GABRG3: variants seen among roughly 807,000 people sequenced by gnomAD.
GABRG3 encodes gamma-aminobutyric acid receptor subunit gamma-3.
Under a neutral mutation model 48.8 loss-of-function variants are expected in GABRG3, and 25 were observed. The ratio of observed to expected loss-of-function variants is 0.51; its 90% CI spans 0.37 to 0.72. GABRG3 has a LOEUF of 0.72. Among genes scored for constraint, GABRG3 ranks in the 30% least tolerant of loss-of-function variants. GABRG3 has a pLI of 0.00. For synonymous variants in GABRG3, 227 were observed against 217.6 expected (o/e 1.04, Z -0.38); for missense variants, 394 against 577.9 (o/e 0.68, Z 3.26).
intron 5 of GABRG3, among the ~76,000 whole-genome samples, chr15:27,351,644 G>A (rs1472751614): frequency 2.0e-5 from 3 of 148,720 alleles, no homozygotes; most frequent in African/African-American, 7.4e-5. Context: ...TTGTGTGTAT[G>A]GTCTGTGTGT....
At chr15:27,335,410 T>C (rs890912523) in intron 5 of GABRG3, among the ~76,000 whole-genome samples, 3 of 152,366 alleles carry the variant, frequency 2.0e-5, no homozygotes, top group Admixed American at 2.0e-4. Context: ...TGTTATCTTT[T>C]CCCTTTTTAT....
intron 5 of GABRG3, among the ~76,000 whole-genome samples, chr15:27,343,849 A>AT (rs1195897140): frequency 6.6e-6 from 1 of 152,254 alleles, no homozygotes; most frequent in East Asian, 1.9e-4. Flanking sequence ...TCCAATTATT[A>AT]TTTTTTATGG....
At chr15:27,296,292 A>T (rs1324204482) in intron 3 of GABRG3, among the ~76,000 whole-genome samples, 1 of 152,204 alleles carries the variant, frequency 6.6e-6, no homozygotes, top group Non-Finnish European at 1.5e-5. Flanking sequence ...ACTGACTGAA[A>T]AAGAAGTTGC....
intron 5 of GABRG3, among the ~76,000 whole-genome samples, chr15:27,453,939 A>G (rs1376189733): frequency 1.3e-5 from 2 of 152,112 alleles, no homozygotes; most frequent in Non-Finnish European, 2.9e-5. Flanking sequence ...CTTGTCCAGC[A>G]TTCCCATTGT....
intron 6 of GABRG3, among the ~76,000 whole-genome samples, chr15:27,501,974 A>G (rs146455277): frequency 6.6e-6 from 1 of 152,144 alleles, no homozygotes; most frequent in Admixed American, 6.5e-5. Context: ...CACATTGGCT[A>G]TCAGGGATCT....
chr15:27,448,491 C>T (rs2140639287), intron 5 of GABRG3, among the ~76,000 whole-genome samples: 1 of 152,302 alleles, frequency 6.6e-6, no homozygotes, highest in East Asian at 1.9e-4. Flanking sequence ...TATGAGCACA[C>T]TTACGTGGCA....
rs1889306277 is a variant in GABRG3, at chr15:27,457,077, G to A, written c.575-23573G>A. 6.6e-6 allele frequency among the ~76,000 whole-genome samples: 1 copy of A among 152,218 alleles called. No homozygotes were observed. Among genetic ancestry groups the A allele is most frequent in the African/African-American group, 2.4e-5 (1 of 41,462 alleles). On this transcript the variant is annotated intron_variant, in intron 5 of 9. Coordinates refer to ENST00000615808, the MANE Select transcript of GABRG3 (RefSeq NM_033223.5). The surrounding 1 kb of genome is among the most constrained non-coding windows in gnomAD (Gnocchi z 4.4). Reference sequence around the variant, plus strand: ...TAGAAGGAGCTGGAGGAGGGGAGCTGCAGGCCTCACCTTCTCCAGCAGCTT... The same window carrying A: ...TAGAAGGAGCTGGAGGAGGGGAGCTACAGGCCTCACCTTCTCCAGCAGCTT...
chr15:27,120,867 T>G (rs568344268), intron 3 of GABRG3, among the ~76,000 whole-genome samples: 1 of 152,288 alleles, frequency 6.6e-6, no homozygotes, highest in African/African-American at 2.4e-5. Context: ...AAATGTCAGC[T>G]AATCTCCCCA....
intron 5 of GABRG3, among the ~76,000 whole-genome samples, chr15:27,425,883 T>C (rs879153753): frequency 1.3e-5 from 2 of 152,218 alleles, no homozygotes; most frequent in Non-Finnish European, 2.9e-5. Context: ...AACTTTGATT[T>C]GTTAAACACA....
intron 3 of GABRG3, among the ~76,000 whole-genome samples, chr15:27,187,899 C>T (rs1290715837): frequency 7.3e-6 from 1 of 137,848 alleles, no homozygotes; most frequent in African/African-American, 2.7e-5. Flanking sequence ...CACAACAGTC[C>T]CCAGAGTGTG....
intron 3 of GABRG3, among the ~76,000 whole-genome samples, chr15:27,132,115 G>T (rs1897925914): frequency 6.6e-6 from 1 of 151,816 alleles, no homozygotes; most frequent in African/African-American, 2.4e-5. Flanking sequence ...TTCCTTTGTT[G>T]TACAGAATCT....
chr15:27,054,314 G>A (rs1896504745), intron 3 of GABRG3, among the ~76,000 whole-genome samples: 2 of 152,074 alleles, frequency 1.3e-5, no homozygotes, highest in Admixed American at 1.3e-4. Context: ...GTTGGGTTCT[G>A]TGCTCACTAC....
chr15:26,987,644 T>A (rs543957137), intron 2 of GABRG3, among the ~76,000 whole-genome samples: 1 of 152,364 alleles, frequency 6.6e-6, no homozygotes, highest in East Asian at 1.9e-4. Flanking sequence ...ACCTCAAGAA[T>A]TACTGAATCG....
chr15:27,364,419 G>A (rs12901089), intron 5 of GABRG3: 40,551 of 152,262 alleles, frequency 0.27, 5,786 homozygotes, highest in Middle Eastern at 0.35. Flanking sequence ...CTGATAACAA[G>A]TGGTTCAATC....
intron 3 of GABRG3, among the ~76,000 whole-genome samples, chr15:27,305,550 C>A (rs1892377942): frequency 7.1e-6 from 1 of 140,870 alleles, no homozygotes; most frequent in East Asian, 2.0e-4. Context: ...TATATATAAA[C>A]ATAATATAAA....
chr15:27,299,927 A>G (rs1057097686), intron 3 of GABRG3, among the ~76,000 whole-genome samples: 4 of 152,134 alleles, frequency 2.6e-5, no homozygotes, highest in Non-Finnish European at 5.9e-5. Flanking sequence ...ACTCCATAAA[A>G]ATTGTTTATA....
At chr15:27,004,775 A>T (rs1449093556) in intron 2 of GABRG3, among the ~76,000 whole-genome samples, 8 of 152,216 alleles carry the variant, frequency 5.3e-5, no homozygotes, top group Admixed American at 5.2e-4. Context: ...CAATGCAGAA[A>T]TTTTTTACCT....
rs1895988548 is a variant in GABRG3, at chr15:27,026,682, T to C, written c.203-72T>C. The C allele has an allele frequency of 4.7e-6, 5 of 1,070,288 alleles. No homozygotes were observed. In the East Asian group the frequency reaches 1.2e-4, roughly 26 times the overall value. 66.3% of individuals were successfully genotyped at this position (1,070,288 alleles called of 1,614,324 possible). A position where few individuals can be genotyped will look rare whatever the true frequency, so the allele number is the denominator to read the frequency against. ...CCTTGTGATGCTATGTATGAGACTT[T>C]AGGACTTGAATGTGCTCTCCTCTGT... On this transcript the variant is annotated intron_variant, in intron 2 of 9. Transcript: ENST00000615808.
intron 5 of GABRG3, among the ~76,000 whole-genome samples, chr15:27,429,859 C>G (rs1888399514): frequency 1.3e-5 from 2 of 152,120 alleles, no homozygotes; most frequent in Admixed American, 1.3e-4. Context: ...CATTTTGGTC[C>G]TATAAATAAT....
Sources: allele counts gnomAD v4.1 joint callset (sites outside exome capture counted in the v4.1 genomes callset), GRCh38; gene constraint gnomAD v4.1.1; non-coding constraint Gnocchi (gnomAD v3.1); transcripts MANE v1.5; gene names NCBI Gene and HGNC (gene_info 2026-07-23, HGNC 2026-07-21).